The following ZFAND4 variants were observed in gnomAD, a reference collection of about 807,000 sequenced individuals.
ZFAND4 encodes the protein zinc finger AN1-type containing 4, also known as AN1-type zinc finger protein 4.
In ZFAND4, 43 loss-of-function variants were observed where a neutral mutation model predicts 64.4. The observed-to-expected ratio is 0.67, with a 90% confidence interval of 0.52 to 0.86. The LOEUF is 0.86. Ranked by LOEUF, ZFAND4 falls within the 40% of genes least tolerant of loss-of-function variation. The pLI is 0.00. For synonymous variants in ZFAND4, 296 were observed against 305.7 expected (o/e 0.97, Z 0.33); for missense variants, 929 against 859.8 (o/e 1.08, Z -1.01).
chr10:45,664,274 CTTTT>C (rs748024984), intron 1 of ZFAND4, among the ~76,000 whole-genome samples: 1 of 141,850 alleles, frequency 7.0e-6, no homozygotes, highest in African/African-American at 2.6e-5. Context: ...GTACATTTGA[CTTTT>C]TTTTTTTTTT....
intron 1 of ZFAND4, among the ~76,000 whole-genome samples, chr10:45,665,090 T>C (rs940204524): frequency 2.0e-5 from 3 of 152,134 alleles, no homozygotes; most frequent in Non-Finnish European, 4.4e-5. Flanking sequence ...CAAATAGAAG[T>C]AGTAAACTAA....
At chr10:45,650,874 T>C (rs145646404) in intron 4 of ZFAND4, 76 of 152,304 alleles carry the variant, frequency 5.0e-4, no homozygotes, top group African/African-American at 1.7e-3. Flanking sequence ...TAAAAGTCTC[T>C]GGTATCAGGA....
intron 5 of ZFAND4, among the ~76,000 whole-genome samples, chr10:45,646,089 T>G (rs1243605920): frequency 2.0e-5 from 3 of 152,170 alleles, no homozygotes; most frequent in Non-Finnish European, 4.4e-5. Flanking sequence ...AACACTAACT[T>G]TCCACCTCAA....
intron 8 of ZFAND4, 101 bp from the exon 9 acceptor site, chr10:45,618,361 C>G (rs1309201623): frequency 7.2e-7 from 1 of 1,385,400 alleles, no homozygotes; most frequent in African/African-American, 1.5e-5. Context: ...AAGTAAATAT[C>G]TATGCCATAA....
intron 2 of ZFAND4, among the ~76,000 whole-genome samples, chr10:45,656,032 C>A (rs963321096): frequency 5.3e-5 from 8 of 150,880 alleles, no homozygotes; most frequent in Non-Finnish European, 1.0e-4. Flanking sequence ...GAGATCAAGA[C>A]CATCCTGGCT....
chr10:45,671,474 T>C (rs1277447092), intron 1 of ZFAND4, among the ~76,000 whole-genome samples: 8 of 151,770 alleles, frequency 5.3e-5, no homozygotes, highest in African/African-American at 1.5e-4. Flanking sequence ...ATGTGGCACA[T>C]ATACACCATG....
intron 5 of ZFAND4, among the ~76,000 whole-genome samples, chr10:45,643,032 T>C (rs1371119289): frequency 1.3e-5 from 2 of 148,470 alleles, no homozygotes; most frequent in African/African-American, 2.5e-5. Flanking sequence ...CCCTTTCTCC[T>C]GCCTCAGCCT....
At chr10:45,664,984 T>C (rs987928157) in intron 1 of ZFAND4, among the ~76,000 whole-genome samples, 2 of 152,162 alleles carry the variant, frequency 1.3e-5, no homozygotes, top group African/African-American at 2.4e-5. Context: ...CCAGAGGATA[T>C]TATAGCATTC....
At chr10:45,620,398 T>C (rs1382507023) in intron 8 of ZFAND4, among the ~76,000 whole-genome samples, 3 of 152,120 alleles carry the variant, frequency 2.0e-5, no homozygotes, top group Admixed American at 1.3e-4. Flanking sequence ...GAAGAATCAC[T>C]TCAACCCGCG....
At chr10:45,663,485 ACAT>A in intron 2 of ZFAND4, 54 bp downstream of exon 2, 1 of 1,339,722 alleles carries the variant, frequency 7.5e-7, no homozygotes, top group South Asian at 1.4e-5. Context: ...AAACTACTAG[ACAT>A]TATTGATGAA....
intron 2 of ZFAND4, 28 bp from the exon 3 acceptor site, chr10:45,653,087 G>A (rs376340912): frequency 1.3e-6 from 2 of 1,526,530 alleles, no homozygotes; most frequent in Non-Finnish European, 1.8e-6. Flanking sequence ...AAAAAAAAGT[G>A]TTAAAGAATT....
chr10:45,635,216 A>AAAAC (rs2046500267), intron 6 of ZFAND4, among the ~76,000 whole-genome samples: 1 of 139,410 alleles, frequency 7.2e-6, no homozygotes, highest in African/African-American at 2.9e-5. Flanking sequence ...AAAAAAAACA[A>AAAAC]AAAAAAAACA....
chr10:45,642,211 G>GA (rs1036119007), intron 5 of ZFAND4, among the ~76,000 whole-genome samples: 2 of 152,088 alleles, frequency 1.3e-5, no homozygotes, highest in African/African-American at 4.8e-5. Context: ...ACTGAATACT[G>GA]AAAGAAGTTT....
intron 2 of ZFAND4, among the ~76,000 whole-genome samples, chr10:45,656,514 A>G (rs1564622317): frequency 2.0e-5 from 3 of 150,128 alleles, no homozygotes; most frequent in Admixed American, 2.0e-4. Context: ...AAAAAAAAAA[A>G]AAAAAAAAAA....
rs1218208387 is a variant in ZFAND4, at chr10:45,663,818, G to A, written c.-93C>T. On this transcript the variant is annotated 5_prime_UTR_variant, in exon 2 of 10. Coordinates refer to ENST00000344646, the MANE Select transcript of ZFAND4 (RefSeq NM_174890.4). The stretch of plus-strand genomic sequence containing the variant: ...GGTTTGAAGATTGGTAATATATATT[G>A]TTGTTCATGTTTTGAGTTTTGTACC... 12 of 1,087,914 alleles carry A rather than the reference G, an allele frequency of 1.1e-5. No homozygotes were observed. In the African/African-American group the frequency reaches 1.5e-4, roughly 14 times the overall value. The allele number at this position is 1,087,914 out of a possible 1,614,324, so 67.4% of individuals were successfully genotyped here. A position where few individuals can be genotyped will look rare whatever the true frequency, so the allele number is the denominator to read the frequency against.
intron 8 of ZFAND4, 58 bp downstream of exon 8, chr10:45,624,525 G>A: frequency 1.3e-6 from 2 of 1,499,770 alleles, no homozygotes; most frequent in Non-Finnish European, 1.9e-6. Context: ...AATTCAACCG[G>A]ATGCATAATT....
At chr10:45,624,052 C>T (rs1226581844) in intron 8 of ZFAND4, among the ~76,000 whole-genome samples, 1 of 152,076 alleles carries the variant, frequency 6.6e-6, no homozygotes, top group Non-Finnish European at 1.5e-5. Context: ...AATGACTGGC[C>T]GGTGCATCTT....
At chr10:45,666,335 G>T (rs2048821422) in intron 1 of ZFAND4, among the ~76,000 whole-genome samples, 1 of 151,882 alleles carries the variant, frequency 6.6e-6, no homozygotes. Context: ...TGTGATTATT[G>T]GCCATTTGCA....
intron 9 of ZFAND4, 108 bp downstream of exon 9, chr10:45,618,032 C>T (rs1751955642): frequency 4.2e-6 from 5 of 1,178,732 alleles, no homozygotes; most frequent in Middle Eastern, 2.1e-4. Flanking sequence ...TATTGAACAT[C>T]ATCTTAATGA....
Sources: allele counts gnomAD v4.1 joint callset (sites outside exome capture counted in the v4.1 genomes callset), GRCh38; gene constraint gnomAD v4.1.1; transcripts MANE v1.5; gene names NCBI Gene and HGNC (gene_info 2026-07-23, HGNC 2026-07-21).